The following ZNF418 variants were observed in gnomAD, a reference collection of about 807,000 sequenced individuals.
The protein encoded by ZNF418 is zinc finger protein 418.
Under a neutral mutation model 32.0 loss-of-function variants are expected in ZNF418, and 32 were observed. The observed-to-expected ratio is 1.00, with a 90% CI of 0.75 to 1.34. The LOEUF (loss-of-function observed/expected upper bound fraction) is 1.34, where lower values mean the gene tolerates loss of function less well. Among genes scored for constraint, ZNF418 ranks in the 40% most tolerant of loss-of-function variants. The pLI is 0.00. For synonymous variants in ZNF418, 276 were observed against 270.7 expected, an observed-to-expected ratio of 1.02 and a Z score of -0.19; for missense variants, 804 against 812.5, an observed-to-expected ratio of 0.99 and a Z score of 0.13.
chr19:57,926,318 G>C lies in ZNF418; in HGVS notation c.1863C>G (p.Cys621Trp). The C allele has an allele frequency of 2.5e-6, 4 of 1,608,918 alleles. No individual in the cohort carries two copies. Among genetic ancestry groups the C allele is most frequent in the Non-Finnish European group, 3.4e-6 (4 of 1,177,386 alleles). Residue 621 changes from cysteine to tryptophan, a missense_variant, in exon 4 of 6, where the codon TGC (cysteine) becomes TGG (tryptophan). Transcript: ENST00000396147. ...RLHTRGKPYE[C>W]SECGKSFAET... is the part of the protein sequence containing the mutation. Reference sequence around the variant, plus strand: ...CAGCAAAGGATTTCCCACATTCGCTGCACTCGTAAGGCTTTCCTCGAGTAT... The same window carrying C: ...CAGCAAAGGATTTCCCACATTCGCTCCACTCGTAAGGCTTTCCTCGAGTAT...
intron 2 of ZNF418, chr19:57,932,746 CT>C: frequency 1.3e-6 from 1 of 745,310 alleles, no homozygotes; most frequent in Non-Finnish European, 1.9e-6. Flanking sequence ...CAAATTTACC[CT>C]GAGCATGTAT....
rs868117890 is a variant in ZNF418 at position 57,926,550 on chromosome 19, CCA to C, written c.1629_1630del (p.Cys543TrpfsTer24). On this transcript the variant is annotated frameshift_variant, in exon 4 of 6. Coordinates refer to ENST00000396147, the MANE Select transcript of ZNF418 (RefSeq NM_133460.3). LOFTEE classifies it low-confidence loss of function (END_TRUNC). ...GGAAGAGCTCTGATGAAATGACTTT[CCA>C]CATTCTCCACATTCATAAGGCCTTT... The C allele has an allele frequency of 1.4e-5, 23 of 1,614,076 alleles. No homozygotes were observed. The highest frequency in any genetic ancestry group is 1.9e-5 in the Non-Finnish European group (23 of 1,180,028).
intron 1 of ZNF418, 107 bp downstream of exon 1, chr19:57,935,054 C>A: frequency 7.4e-7 from 1 of 1,353,374 alleles, no homozygotes; most frequent in Non-Finnish European, 9.6e-7. Flanking sequence ...GCCTCAGTGT[C>A]CCGACGCCGG....
chr19:57,933,054 G>GC (rs1282313210), intron 2 of ZNF418, among the ~76,000 whole-genome samples: 1 of 151,964 alleles, frequency 6.6e-6, no homozygotes, highest in Non-Finnish European at 1.5e-5. Flanking sequence ...CCCCTTCCTG[G>GC]CCCCCACAAA....
chr19:57,922,356 C>T lies in ZNF418; in HGVS notation c.*899G>A, dbSNP rs1458378864. 5.2e-6 allele frequency: 2 copies of T among 386,902 alleles called. No homozygotes were observed. Among genetic ancestry groups the T allele is most frequent in the Non-Finnish European group, 9.1e-6 (2 of 219,392 alleles). 24.0% of individuals were successfully genotyped at this position (386,902 alleles called of 1,614,324 possible). On this transcript the variant is annotated 3_prime_UTR_variant, in exon 6 of 6. Coordinates refer to ENST00000396147, the MANE Select transcript of ZNF418 (RefSeq NM_133460.3). The stretch of plus-strand genomic sequence containing the variant: ...CAAAATAAAAATGTTAGAAAATGGG[C>T]CACACTTTACAAATTGAGATTATGT...
rs563838024 is a variant in ZNF418 at position 57,930,898 on chromosome 19, G to A, written c.7-344C>T. On this transcript the variant is annotated intron_variant, in intron 2 of 5. Coordinates refer to ENST00000396147, the MANE Select transcript of ZNF418 (RefSeq NM_133460.3). ...GTTCAAGCAATTCTCTGCCTCAGCC[G>A]CCCGAGTAGCTGGGATTACAGGCAC... 4.7e-4 allele frequency among the ~76,000 whole-genome samples: 71 copies of A among 151,778 alleles called. 1 individual carries two copies. Among genetic ancestry groups the A allele is most frequent in the South Asian group, 2.9e-3 (14 of 4,800 alleles).
Position 57,927,441 on chromosome 19 carries a change from T to C in ZNF418, c.740A>G (p.Asn247Ser). Reference sequence around the variant, plus strand: ...TTTCCCAGTGTGAACTCTCTGATGATTACTGACGCTATCATATTTGCTAAA... The same window carrying C: ...TTTCCCAGTGTGAACTCTCTGATGACTACTGACGCTATCATATTTGCTAAA... ...KSFSKYDSVS[N>S]HQRVHTGKRP... The change falls in exon 4 of 6, where the codon AAT becomes AGT. Residue 247 changes from asparagine (N) to serine (S), a missense_variant. By Grantham distance (46) the Asn-to-Ser change is conservative. This residue lies in a region of ZNF418 where 307 missense variants were observed against 304.9 expected (regional missense o/e 1.01). Coordinates refer to ENST00000396147, the MANE Select transcript of ZNF418 (RefSeq NM_133460.3). The C allele has an allele frequency of 6.2e-7, 1 of 1,614,252 alleles. No homozygotes were observed. Among genetic ancestry groups the C allele is most frequent in the Non-Finnish European group, 8.5e-7 (1 of 1,180,048 alleles).
In ZNF418 at chr19:57,930,458, G is replaced by A; in HGVS notation, c.103C>T (p.Leu35=). ...GAGGATATAAGTACCCAGTTCTCCA[G>A]CATCACGTCATGGTAAAGGCATCTC... The part of the protein sequence containing the change: ...VQRCLYHDVM[L]ENWVLISSLG... The change falls in exon 3 of 6, where the codon CTG becomes TTG. Residue 35 remains leucine, a synonymous_variant. Transcript: ENST00000396147. 2 of 1,614,176 alleles carry A rather than the reference G, an allele frequency of 1.2e-6. No homozygotes were observed. The highest frequency in any genetic ancestry group is 1.7e-6 in the Non-Finnish European group (2 of 1,180,020).
In ZNF418 at chr19:57,927,166, C is replaced by T. The variant is rs754952142; in HGVS notation, c.1015G>A (p.Glu339Lys). 47 of 1,613,970 alleles carry T rather than the reference C, an allele frequency of 2.9e-5. No individual in the cohort carries two copies. Among genetic ancestry groups the T allele is most frequent in the Middle Eastern group, 1.6e-4 (1 of 6,084 alleles). The change falls in exon 4 of 6, where the codon GAA (glutamate) becomes AAA (lysine). Residue 339 changes from glutamate (E) to lysine (K), a missense_variant. By Grantham distance (56) the Glu-to-Lys change is moderately conservative (BLOSUM62 1). Around this residue, in one of 3 missense-constraint regions of ZNF418, gnomAD observed 475 missense variants for 458.6 expected, o/e 1.04. Coordinates refer to ENST00000396147, the MANE Select transcript of ZNF418 (RefSeq NM_133460.3). The part of the protein sequence containing the change: ...LIKHQRVHTG[E>K]RPYECEECGK... The stretch of plus-strand genomic sequence containing the variant: ...CATTCTTCACACTCATAAGGTCTTT[C>T]TCCAGTGTGAACTCGTTGATGTTTA...
At position 57,927,526 on chromosome 19, in the gene ZNF418, C is replaced by T. The variant is rs771217082; in HGVS notation, c.655G>A (p.Val219Ile). 3.7e-6 allele frequency: 6 copies of T among 1,614,090 alleles called. No homozygotes were observed. The highest frequency in any genetic ancestry group is 5.1e-6 in the Non-Finnish European group (6 of 1,180,048). The change falls in exon 4 of 6, where the codon GTT becomes ATT. Residue 219 changes from valine (V) to isoleucine (I), a missense_variant. Physicochemically the swap from Val to Ile is conservative, Grantham distance 29. Around this residue, in one of 3 missense-constraint regions of ZNF418, gnomAD observed 307 missense variants for 304.9 expected, o/e 1.01. Transcript: ENST00000396147. ...MKHSSTKHVF[V>I]QQQRLPSREE... Reference sequence around the variant, plus strand: ...CTAGAGGGAAGTCTCTGCTGTTGAACAAATACGTGTTTGGTGCTAGAATGT... The same window carrying T: ...CTAGAGGGAAGTCTCTGCTGTTGAATAAATACGTGTTTGGTGCTAGAATGT...
chr19:57,932,978 C>G (rs2123059362), intron 2 of ZNF418, among the ~76,000 whole-genome samples: 1 of 152,286 alleles, frequency 6.6e-6, no homozygotes, highest in East Asian at 1.9e-4. Context: ...GAGCCCTTGC[C>G]TCCTTCTCCT....
In ZNF418 at chr19:57,935,211, A is replaced by C. The variant is rs2072650646; in HGVS notation, c.-131T>G. 1.6e-6 allele frequency: 2 copies of C among 1,271,576 alleles called. No homozygotes were observed. Among genetic ancestry groups the C allele is most frequent in the African/African-American group, 3.1e-5 (2 of 64,428 alleles). The allele number at this position is 1,271,576 out of a possible 1,614,324, so 78.8% of individuals were successfully genotyped here. On this transcript the variant is annotated 5_prime_UTR_variant, in exon 1 of 6. Coordinates refer to ENST00000396147, the MANE Select transcript of ZNF418 (RefSeq NM_133460.3). ...GCCGCCATCCCGAGTACGCGGGGAAAGCACTGCCGGGAGCGGCGGGCGCCG... is the reference window on the plus strand; with the variant it reads ...GCCGCCATCCCGAGTACGCGGGGAACGCACTGCCGGGAGCGGCGGGCGCCG...
rs765875990 is a variant in ZNF418, at chr19:57,926,252, T to G, written c.1929A>C (p.Gly643=). 2 of 1,613,916 alleles carry G rather than the reference T, an allele frequency of 1.2e-6. No individual in the cohort carries two copies. Among genetic ancestry groups the G allele is most frequent in the South Asian group, 2.2e-5 (2 of 91,078 alleles). ...SLTEHRRVHT[G]ERPYECSECG... ...ATTCACTGCACTCATAAGGCCTTTC[T>G]CCAGTGTGTACTCTCCTGTGTTCAG... The change falls in exon 4 of 6, where the codon GGA becomes GGC. Residue 643 remains glycine, a synonymous_variant. Coordinates refer to ENST00000396147, the MANE Select transcript of ZNF418 (RefSeq NM_133460.3).
In ZNF418 at chr19:57,926,505, G is replaced by C; in HGVS notation, c.1676C>G (p.Thr559Ser). The C allele has an allele frequency of 6.2e-7, 1 of 1,612,982 alleles. No individual in the cohort carries two copies. Among genetic ancestry groups the C allele is most frequent in the South Asian group, 1.1e-5 (1 of 91,010 alleles). ...QSSSLLRHQK[T>S]HTAERPYECR... Reference sequence around the variant, plus strand: ...CTCATAAGGTCTTTCTGCAGTGTGAGTTTTCTGATGTCGAAGGAGGGAAGA... The same window carrying C: ...CTCATAAGGTCTTTCTGCAGTGTGACTTTTCTGATGTCGAAGGAGGGAAGA... Residue 559 changes from threonine (T) to serine (S), a missense_variant, in exon 4 of 6, where the codon ACT (threonine) becomes AGT (serine). Physicochemically the swap from Thr to Ser is moderately conservative, Grantham distance 58 (BLOSUM62 1). Transcript: ENST00000396147.
At position 57,926,664 on chromosome 19, in the gene ZNF418, C is replaced by T. The variant is rs2072241627; in HGVS notation, c.1517G>A (p.Gly506Glu). The T allele has an allele frequency of 8.7e-6, 14 of 1,614,072 alleles. No individual in the cohort carries two copies. Among genetic ancestry groups the T allele is most frequent in the Non-Finnish European group, 1.2e-5 (14 of 1,180,036 alleles). ...GFRVHQRVHT[G>E]EKPFECSECG... ...TTCACTACACTCAAACGGTTTTTCT[C>T]CAGTGTGAACTCTCTGATGAACACG... The change falls in exon 4 of 6, where the codon GGA becomes GAA. Residue 506 changes from glycine (G) to glutamate (E), a missense_variant. Physicochemically the swap from Gly to Glu is moderately conservative, Grantham distance 98. Around this residue, in one of 3 missense-constraint regions of ZNF418, gnomAD observed 475 missense variants for 458.6 expected, o/e 1.04. Coordinates refer to ENST00000396147, the MANE Select transcript of ZNF418 (RefSeq NM_133460.3).
At chr19:57,923,463 T>TAC (rs1316800110) in intron 4 of ZNF418, among the ~76,000 whole-genome samples, 174 bp from the exon 5 acceptor site, 13 of 151,108 alleles carry the variant, frequency 8.6e-5, no homozygotes, top group Middle Eastern at 3.5e-3. Context: ...CACATATATA[T>TAC]ACATATATAC....
chr19:57,935,169 G>T lies in ZNF418; in HGVS notation c.-89C>A. 7.6e-7 allele frequency: 1 copy of T among 1,311,774 alleles called. No individual in the cohort carries two copies. Among genetic ancestry groups the T allele is most frequent in the South Asian group, 1.4e-5 (1 of 72,884 alleles). 81.3% of individuals were successfully genotyped at this position (1,311,774 alleles called of 1,614,324 possible). On this transcript the variant is annotated 5_prime_UTR_variant, in exon 1 of 6. Transcript: ENST00000396147. The stretch of plus-strand genomic sequence containing the variant: ...AGGGAAGGCACAATTACCTGAGCCG[G>T]GAGCCTCAGCGCGGCCGCCGCCATC...
intron 1 of ZNF418, 32 bp from the exon 2 acceptor site, chr19:57,933,934 C>T: frequency 6.2e-7 from 1 of 1,607,482 alleles, no homozygotes; most frequent in Non-Finnish European, 8.5e-7. Context: ...GTAACATCAC[C>T]TCCTCGCCGC....
intron 2 of ZNF418, among the ~76,000 whole-genome samples, chr19:57,932,182 C>T (rs985076366): frequency 6.6e-6 from 1 of 152,174 alleles, no homozygotes; most frequent in Non-Finnish European, 1.5e-5. Flanking sequence ...GGAATTGAAA[C>T]CCAGTACAAA....
Sources: allele counts gnomAD v4.1 joint callset (sites outside exome capture counted in the v4.1 genomes callset), GRCh38; gene constraint gnomAD v4.1.1; regional missense constraint gnomAD v4.1.1; transcripts MANE v1.5; gene names NCBI Gene and HGNC (gene_info 2026-07-23, HGNC 2026-07-21).